Variants in SHISA6 observed in about 807,000 individuals in gnomAD.
SHISA6 encodes the protein shisa family member 6.
Under a neutral mutation model 47.9 loss-of-function variants are expected in SHISA6, and 22 were observed. The observed-to-expected ratio is 0.46, with a 90% CI of 0.33 to 0.66. The LOEUF (loss-of-function observed/expected upper bound fraction) is 0.66. Among genes scored for constraint, SHISA6 ranks in the 30% least tolerant of loss-of-function variants. SHISA6 has a pLI of 0.02. For synonymous variants in SHISA6, 388 were observed against 337.8 expected, an observed-to-expected ratio of 1.15 and a Z score of -1.63; for missense variants, 680 against 764.6, an observed-to-expected ratio of 0.89 and a Z score of 1.30.
chr17:11,423,237 G>GTA (rs1349287384), intron 3 of SHISA6, among the ~76,000 whole-genome samples: 2,143 of 128,448 alleles, frequency 0.017, 58 homozygotes, highest in African/African-American at 0.06. Context: ...GTGTGTGTGT[G>GTA]TGTATATATA....
intron 2 of SHISA6, among the ~76,000 whole-genome samples, chr17:11,350,624 C>T (rs920076934): frequency 6.6e-6 from 1 of 152,124 alleles, no homozygotes; most frequent in Non-Finnish European, 1.5e-5. Flanking sequence ...AATCATCTCT[C>T]ACTGGACCAT....
intron 2 of SHISA6, among the ~76,000 whole-genome samples, chr17:11,332,214 C>T (rs970557506): frequency 2.7e-5 from 4 of 147,892 alleles, no homozygotes; most frequent in East Asian, 2.0e-4. Flanking sequence ...GTCTCATTGG[C>T]GCAAAGAGAC....
intron 3 of SHISA6, among the ~76,000 whole-genome samples, chr17:11,419,409 G>C (rs750099450): frequency 4.6e-5 from 7 of 152,110 alleles, no homozygotes; most frequent in South Asian, 2.1e-4. Flanking sequence ...GATAGGCACT[G>C]AGAAGGGAAA....
chr17:11,420,898 T>C (rs1914435041), intron 3 of SHISA6, among the ~76,000 whole-genome samples: 1 of 152,114 alleles, frequency 6.6e-6, no homozygotes, highest in African/African-American at 2.4e-5. Flanking sequence ...TAGCAGGAGG[T>C]AGGATTCTGT....
intron 2 of SHISA6, among the ~76,000 whole-genome samples, chr17:11,358,150 T>C (rs182466067): frequency 1.0e-3 from 153 of 152,302 alleles, no homozygotes; most frequent in Middle Eastern, 3.4e-3. Flanking sequence ...ATTTATCTTT[T>C]AAAACTAACG....
chr17:11,257,339 C>T (rs1041341073), intron 1 of SHISA6, among the ~76,000 whole-genome samples: 1 of 152,078 alleles, frequency 6.6e-6, no homozygotes, highest in African/African-American at 2.4e-5. Flanking sequence ...AAAGAGGACA[C>T]CAACAGTTCT....
At chr17:11,531,466 G>A (rs369872949) in intron 3 of SHISA6, among the ~76,000 whole-genome samples, 3 of 152,054 alleles carry the variant, frequency 2.0e-5, no homozygotes, top group African/African-American at 7.3e-5. Context: ...GGGTTAGGAT[G>A]GCAGCTCTTC....
intron 2 of SHISA6, among the ~76,000 whole-genome samples, chr17:11,359,519 T>A (rs1350082863): frequency 6.6e-6 from 1 of 152,104 alleles, no homozygotes; most frequent in East Asian, 1.9e-4. Context: ...TGGACCAGGT[T>A]TTTTGGCTTG....
At chr17:11,526,050 T>C (rs1180431438) in intron 3 of SHISA6, among the ~76,000 whole-genome samples, 1 of 150,204 alleles carries the variant, frequency 6.7e-6, no homozygotes, top group East Asian at 2.0e-4. Flanking sequence ...ACTAAGGGTA[T>C]CACTCCGAAG....
chr17:11,512,389 TCA>T (rs1188132493), intron 3 of SHISA6, among the ~76,000 whole-genome samples: 1 of 152,216 alleles, frequency 6.6e-6, no homozygotes, highest in Non-Finnish European at 1.5e-5. Flanking sequence ...TCTGTTCAAC[TCA>T]CACACCCAGA....
intron 2 of SHISA6, among the ~76,000 whole-genome samples, chr17:11,339,792 G>A (rs1911462846): frequency 6.6e-6 from 1 of 152,130 alleles, no homozygotes; most frequent in African/African-American, 2.4e-5. Flanking sequence ...TGGTAGCCGT[G>A]AAGAAAGAGC....
intron 2 of SHISA6, among the ~76,000 whole-genome samples, chr17:11,320,844 G>A (rs901060337): frequency 4.4e-4 from 67 of 152,190 alleles, no homozygotes; most frequent in African/African-American, 1.5e-3. Context: ...ATGTATGGGT[G>A]TGACATACCT....
chr17:11,389,582 C>T (rs1913320515), intron 3 of SHISA6, among the ~76,000 whole-genome samples: 1 of 152,178 alleles, frequency 6.6e-6, no homozygotes, highest in Non-Finnish European at 1.5e-5. Context: ...GCTTTCTTTA[C>T]CATCTCTTTG....
At chr17:11,347,966 T>C (rs947312061) in intron 2 of SHISA6, among the ~76,000 whole-genome samples, 4 of 152,238 alleles carry the variant, frequency 2.6e-5, no homozygotes, top group African/African-American at 9.6e-5. Context: ...CACAGAGTTA[T>C]GTTCTGAGAG....
chr17:11,370,799 A>C (rs551699160), intron 2 of SHISA6, among the ~76,000 whole-genome samples: 1 of 152,298 alleles, frequency 6.6e-6, no homozygotes, highest in East Asian at 1.9e-4. Context: ...TCTTTAGTCC[A>C]GTGAGAGTGT....
In SHISA6 at chr17:11,329,325, C is replaced by T. The variant is rs545369552; in HGVS notation, c.800-50089C>T. Reference sequence around the variant, plus strand: ...TTGGAGAAATTTTTACTAATTCCAACGTCGTTACATCTCTATCTTAAAAAT... The same window carrying T: ...TTGGAGAAATTTTTACTAATTCCAATGTCGTTACATCTCTATCTTAAAAAT... On this transcript the variant is annotated intron_variant, in intron 2 of 5. Transcript: ENST00000441885. Among the ~76,000 whole-genome samples, 17 of 152,264 alleles carry T rather than the reference C, an allele frequency of 1.1e-4. No homozygotes were observed. In the South Asian group the frequency reaches 3.5e-3, roughly 32 times the overall value.
intron 3 of SHISA6, among the ~76,000 whole-genome samples, chr17:11,465,602 G>A (rs747004998): frequency 9.9e-5 from 15 of 152,060 alleles, no homozygotes; most frequent in Non-Finnish European, 1.9e-4. Flanking sequence ...CCTAGCTACT[G>A]CCCCCAGGAG....
At chr17:11,537,048 GA>G (rs1322197779) in intron 3 of SHISA6, among the ~76,000 whole-genome samples, 3 of 151,676 alleles carry the variant, frequency 2.0e-5, no homozygotes, top group Non-Finnish European at 4.4e-5. Context: ...GAATCTGGCA[GA>G]AGACACATTG....
intron 2 of SHISA6, among the ~76,000 whole-genome samples, chr17:11,352,316 C>T (rs1279564421): frequency 6.6e-6 from 1 of 151,842 alleles, no homozygotes; most frequent in Non-Finnish European, 1.5e-5. Flanking sequence ...AAAAAAAAAC[C>T]CTGAACAATA....
Sources: allele counts gnomAD v4.1 joint callset (sites outside exome capture counted in the v4.1 genomes callset), GRCh38; gene constraint gnomAD v4.1.1; transcripts MANE v1.5; gene names NCBI Gene and HGNC (gene_info 2026-07-23, HGNC 2026-07-21).